RAD21: variants seen among roughly 807,000 people sequenced by gnomAD.
RAD21 encodes the protein RAD21 cohesin complex component.
RAD21 carries 18 observed loss-of-function variants against 71.5 expected under a neutral mutation model. That is an observed-to-expected ratio of 0.25 (90% confidence interval 0.17 to 0.37). The LOEUF is 0.37. Ranked by LOEUF, RAD21 falls within the 10% of genes least tolerant of loss-of-function variation. The pLI is 1.00. For synonymous variants in RAD21, 248 were observed against 254.0 expected, an observed-to-expected ratio of 0.98 and a Z score of 0.22; for missense variants, 493 against 769.1, an observed-to-expected ratio of 0.64 and a Z score of 4.25.
Position 116,847,568 on chromosome 8 carries a change from C to G in RAD21, c.1828G>C (p.Glu610Gln), listed in dbSNP as rs1461696690. ...FLVLKKQQAI[E>Q]LTQEEPYSDI... ...CTGTACGGTTCTTCCTGTGTCAGCT[C>G]AATAGCTTGCTGCTTTTTAAGAACC... Residue 610 changes from glutamate (E) to glutamine (Q), a missense_variant, in exon 14 of 14, where the codon GAG (glutamate) becomes CAG (glutamine). This residue lies in a region of RAD21 where 34 missense variants were observed against 59.9 expected (regional missense o/e 0.57). Coordinates refer to ENST00000297338, the MANE Select transcript of RAD21 (RefSeq NM_006265.3). The G allele has an allele frequency of 1.2e-6, 2 of 1,614,052 alleles. No individual in the cohort carries two copies. The highest frequency in any genetic ancestry group is 2.7e-5 in the African/African-American group (2 of 75,012).
In RAD21 at chr8:116,861,863, C is replaced by A; in HGVS notation, c.352G>T (p.Asp118Tyr). Residue 118 changes from aspartate (D) to tyrosine (Y), a missense_variant, in exon 4 of 14, where the codon GAT (aspartate) becomes TAT (tyrosine). By Grantham distance (160) the Asp-to-Tyr change is radical. Around this residue, in one of 5 missense-constraint regions of RAD21, gnomAD observed 165 missense variants for 229.6 expected, o/e 0.72. Transcript: ENST00000297338. The part of the protein sequence containing the change: ...ITLPEEFHDF[D>Y]QPLPDLDDID... ...TACTCTAAGTCAGGCAGTGGCTGAT[C>A]AAAGTCATGAAATTCTTCAGGTAAA... The A allele has an allele frequency of 6.2e-7, 1 of 1,611,298 alleles. No homozygotes were observed. The highest frequency in any genetic ancestry group is 1.1e-5 in the South Asian group (1 of 90,972).
intron 3 of RAD21, among the ~76,000 whole-genome samples, chr8:116,862,310 A>G (rs1812607068): frequency 1.3e-5 from 2 of 152,074 alleles, no homozygotes; most frequent in Admixed American, 6.6e-5. Context: ...ACACAATTTT[A>G]ATTTTCTTTA....
chr8:116,854,187 CTTTT>C (rs201090747), intron 9 of RAD21, 54 bp downstream of exon 9: 3 of 1,175,894 alleles, frequency 2.6e-6, no homozygotes, highest in Non-Finnish European at 3.5e-6. Context: ...GTTTTAGAAT[CTTTT>C]TTTTTTAGAT....
chr8:116,849,074 G>A, intron 12 of RAD21, 45 bp from the exon 13 acceptor site: 3 of 1,408,380 alleles, frequency 2.1e-6, no homozygotes, highest in Non-Finnish European at 2.9e-6. Flanking sequence ...CAAGTCCAAT[G>A]AAAAATGAAG....
At chr8:116,847,823 G>C in intron 13 of RAD21, 132 bp from the exon 14 acceptor site, 1 of 867,674 alleles carries the variant, frequency 1.2e-6, no homozygotes, top group Non-Finnish European at 1.7e-6. Flanking sequence ...TGTTAGAGAT[G>C]GAGCCTAGTG....
At position 116,847,040 on chromosome 8, in the gene RAD21, T is replaced by G. The variant is rs1812264062; in HGVS notation, c.*460A>C. ...TAAGGAGAGTGGTTAACAGGAAGAT[T>G]GCCAGTGTTACTGATGGAAAGAAGT... On this transcript the variant is annotated 3_prime_UTR_variant, in exon 14 of 14. Transcript: ENST00000297338. 10 of 222,648 alleles carry G rather than the reference T, an allele frequency of 4.5e-5. No individual in the cohort carries two copies. Among genetic ancestry groups the G allele is most frequent in the Middle Eastern group, 1.4e-3 (1 of 710 alleles). The allele number at this position is 222,648 out of a possible 1,614,324, so 13.8% of individuals were successfully genotyped here.
intron 1 of RAD21, among the ~76,000 whole-genome samples, chr8:116,872,720 T>C (rs1022170809): frequency 6.6e-6 from 1 of 152,196 alleles, no homozygotes; most frequent in Non-Finnish European, 1.5e-5. Context: ...ACCTGAAAGG[T>C]TGAAATCTGG....
intron 6 of RAD21, 74 bp downstream of exon 6, chr8:116,857,193 G>C: frequency 3.1e-6 from 4 of 1,298,298 alleles, no homozygotes; most frequent in Non-Finnish European, 2.2e-6. Flanking sequence ...CTCAGAATTA[G>C]CAACTGTTTC....
At chr8:116,851,738 AAAAGAGTCAGG>A in intron 11 of RAD21, 199 bp downstream of exon 11, 1 of 445,936 alleles carries the variant, frequency 2.2e-6, no homozygotes. Flanking sequence ...ATACTATTCA[AAAAGAGTCAGG>A]AAAGACTGCA....
chr8:116,847,761 C>CGTAT, intron 13 of RAD21, 70 bp from the exon 14 acceptor site: 2 of 1,360,332 alleles, frequency 1.5e-6, no homozygotes, highest in Non-Finnish European at 2.0e-6. Context: ...GATGCTGATA[C>CGTAT]AGTTTGAATA....
chr8:116,852,354 G>A (rs1347839543), intron 10 of RAD21, 195 bp downstream of exon 10: 1 of 687,678 alleles, frequency 1.5e-6, no homozygotes, highest in African/African-American at 1.8e-5. Context: ...TACCCTGCCA[G>A]TTCTGAACCT....
intron 6 of RAD21, 81 bp from the exon 7 acceptor site, chr8:116,856,852 T>G (rs1490976482): frequency 9.3e-7 from 1 of 1,079,378 alleles, no homozygotes; most frequent in Non-Finnish European, 1.3e-6. Flanking sequence ...AAAACAAAAT[T>G]ATGTTAAAAG....
rs537165033 is a variant in RAD21, at chr8:116,847,184, C to A, written c.*316G>T. On this transcript the variant is annotated 3_prime_UTR_variant, in exon 14 of 14. Coordinates refer to ENST00000297338, the MANE Select transcript of RAD21 (RefSeq NM_006265.3). Reference sequence around the variant, plus strand: ...AGTAATGAAGAACTAAGATAAAAATCATGACTTTTGACTGCCACTCAACAT... The same window carrying A: ...AGTAATGAAGAACTAAGATAAAAATAATGACTTTTGACTGCCACTCAACAT... 9 of 275,932 alleles carry A rather than the reference C, an allele frequency of 3.3e-5. No individual in the cohort carries two copies. In the South Asian group the frequency reaches 6.7e-4, roughly 21 times the overall value. 17.1% of individuals were successfully genotyped at this position (275,932 alleles called of 1,614,324 possible).
At chr8:116,866,981 G>GAA (rs1812709117) in intron 1 of RAD21, 5 of 303,876 alleles carry the variant, frequency 1.6e-5, no homozygotes, top group Non-Finnish European at 2.4e-5. Context: ...ACTAAGAGCT[G>GAA]AAAGTAAAAG....
At chr8:116,873,669 C>CA (rs1191794195) in intron 1 of RAD21, among the ~76,000 whole-genome samples, 3 of 151,596 alleles carry the variant, frequency 2.0e-5, no homozygotes, top group Non-Finnish European at 1.5e-5. Flanking sequence ...ACTAACAAAT[C>CA]AGAGTGACCA....
intron 12 of RAD21, 52 bp downstream of exon 12, chr8:116,850,566 G>A: frequency 4.4e-6 from 7 of 1,582,138 alleles, no homozygotes; most frequent in Admixed American, 3.5e-5. Flanking sequence ...GAAAAATAAA[G>A]CTGGTTGGAG....
chr8:116,858,830 C>A (rs543340554), intron 4 of RAD21, among the ~76,000 whole-genome samples: 1 of 152,138 alleles, frequency 6.6e-6, no homozygotes, highest in African/African-American at 2.4e-5. Context: ...GACTCAGTTT[C>A]TTTCTCTAAT....
chr8:116,867,688 T>C (rs1438901802), intron 1 of RAD21, among the ~76,000 whole-genome samples: 2 of 152,244 alleles, frequency 1.3e-5, no homozygotes, highest in African/African-American at 4.8e-5. Flanking sequence ...GAAAATGATA[T>C]ATGCCTTGCT....
At chr8:116,852,492 A>G (rs1812371829) in intron 10 of RAD21, 57 bp downstream of exon 10, 14 of 1,497,918 alleles carry the variant, frequency 9.3e-6, no homozygotes, top group Non-Finnish European at 1.3e-5. Flanking sequence ...ATAAAGGTAA[A>G]TTTTAAGCCA....
Sources: gnomAD v4.1 joint callset for allele counts (sites outside exome capture counted in the v4.1 genomes callset) on GRCh38, gnomAD v4.1.1 for gene constraint, gnomAD v4.1.1 regional missense constraint, MANE v1.5 for transcripts, NCBI Gene and HGNC (gene_info 2026-07-23, HGNC 2026-07-21) for gene names.